SHISA9: variants seen among roughly 807,000 people sequenced by gnomAD.
SHISA9 encodes the protein protein shisa-9.
Under a neutral mutation model 38.0 loss-of-function variants are expected in SHISA9, and 13 were observed. The ratio of observed to expected loss-of-function variants is 0.34; its 90% CI spans 0.22 to 0.54. The LOEUF is 0.54. SHISA9 is among the 20% of genes least tolerant of loss of function. The probability of loss-of-function intolerance (pLI) is 0.91; values close to 1 mark genes in which losing one functional copy is unlikely to be tolerated. For synonymous variants in SHISA9, 275 were observed against 242.0 expected, an observed-to-expected ratio of 1.14 and a Z score of -1.27; for missense variants, 538 against 575.8, an observed-to-expected ratio of 0.93 and a Z score of 0.67.
intron 2 of SHISA9, among the ~76,000 whole-genome samples, chr16:12,961,537 A>G (rs555831719): frequency 6.6e-6 from 1 of 152,190 alleles, no homozygotes; most frequent in Non-Finnish European, 1.5e-5. Context: ...CAGAAAAAGG[A>G]TGTGTCTGTA....
chr16:13,131,495 G>GAAGAATA (rs2050306445), intron 2 of SHISA9, among the ~76,000 whole-genome samples: 1 of 152,104 alleles, frequency 6.6e-6, no homozygotes, highest in African/African-American at 2.4e-5. Flanking sequence ...AGAGCATCAG[G>GAAGAATA]AAGAATAGCT....
At chr16:13,447,615 A>G in the SHISA9 span, among the ~76,000 whole-genome samples, 4 of 152,280 alleles carry the variant, frequency 2.6e-5, no homozygotes, top group Admixed American at 1.3e-4. Context: ...TCTAATCTCC[A>G]TGGAAGTTGG....
intron 1 of SHISA9, 141 bp downstream of exon 1, chr16:12,902,768 G>A: frequency 1.1e-6 from 1 of 900,032 alleles, no homozygotes; most frequent in Non-Finnish European, 1.6e-6. Context: ...TCACCGGGAA[G>A]CCAACTTCGG....
the SHISA9 span, among the ~76,000 whole-genome samples, chr16:13,372,406 T>C: frequency 3.9e-5 from 6 of 152,206 alleles, no homozygotes; most frequent in Non-Finnish European, 7.3e-5. Context: ...GTCCAGGTGA[T>C]ATAGCTTCCT....
chr16:13,431,702 TAGTG>T, the SHISA9 span, among the ~76,000 whole-genome samples: 1 of 152,226 alleles, frequency 6.6e-6, no homozygotes, highest in African/African-American at 2.4e-5. Context: ...TGCCTTCTCA[TAGTG>T]AGTGCTTAGA....
the SHISA9 span, among the ~76,000 whole-genome samples, chr16:13,415,868 C>CA: frequency 2.0e-5 from 3 of 147,624 alleles, no homozygotes; most frequent in Non-Finnish European, 3.0e-5. Flanking sequence ...TTGTATGAAA[C>CA]GAAAAAAAGA....
At chr16:13,491,788 C>T in the SHISA9 span, among the ~76,000 whole-genome samples, 1 of 133,446 alleles carries the variant, frequency 7.5e-6, no homozygotes, top group Non-Finnish European at 1.6e-5. Context: ...CTGCACCTGG[C>T]CTGGGATTTT....
intron 2 of SHISA9, among the ~76,000 whole-genome samples, chr16:13,112,381 G>T (rs908383236): frequency 2.6e-4 from 39 of 151,782 alleles, no homozygotes; most frequent in African/African-American, 9.0e-4. Context: ...AAAGAGGGAG[G>T]CAGGGAGGAA....
Position 12,902,273 on chromosome 16 carries a change from C to T in SHISA9, c.209C>T (p.Thr70Met), listed in dbSNP as rs1196335452. Residue 70 changes from threonine to methionine, a missense_variant, in exon 1 of 5, where the codon ACG (threonine) becomes ATG (methionine). Thr to Met is a moderately conservative substitution (Grantham distance 81). This residue lies in a region of SHISA9 where 17 missense variants were observed against 57.2 expected (regional missense o/e 0.30). Coordinates refer to ENST00000558583, the MANE Select transcript of SHISA9 (RefSeq NM_001145204.3). ...ASDAPPTRAP[T>M]PDFCRGYFDV... ...GACGCGCCCCCGACCCGGGCGCCCA[C>T]GCCGGACTTCTGCCGGGGCTACTTC... 1.3e-6 allele frequency: 2 copies of T among 1,548,744 alleles called. No homozygotes were observed. Among genetic ancestry groups the T allele is most frequent in the Non-Finnish European group, 1.7e-6 (2 of 1,146,892 alleles).
At chr16:13,290,239 A>C in the SHISA9 span, among the ~76,000 whole-genome samples, 1 of 152,164 alleles carries the variant, frequency 6.6e-6, no homozygotes, top group Non-Finnish European at 1.5e-5. Flanking sequence ...GAAAGGGCAA[A>C]CATTTTCATT....
At chr16:13,448,928 A>C in the SHISA9 span, among the ~76,000 whole-genome samples, 3 of 152,186 alleles carry the variant, frequency 2.0e-5, no homozygotes, top group Non-Finnish European at 4.4e-5. Flanking sequence ...CATTTGAAGA[A>C]TATGTAATTT....
intron 2 of SHISA9, among the ~76,000 whole-genome samples, chr16:13,195,622 A>G (rs2142045239): frequency 6.6e-6 from 1 of 152,236 alleles, no homozygotes; most frequent in East Asian, 1.9e-4. Flanking sequence ...GAATAATTTT[A>G]TAGAGGAGAA....
At chr16:12,904,552 C>T (rs1403358361) in intron 1 of SHISA9, among the ~76,000 whole-genome samples, 2 of 152,104 alleles carry the variant, frequency 1.3e-5, no homozygotes, top group East Asian at 1.9e-4. Context: ...CACAGCTGAG[C>T]GGGTTGCAGC....
the SHISA9 span, among the ~76,000 whole-genome samples, chr16:13,387,373 A>G: frequency 6.6e-6 from 1 of 152,188 alleles, no homozygotes; most frequent in Non-Finnish European, 1.5e-5. Context: ...AGAGACAGAC[A>G]GGGAGAACAT....
chr16:13,297,975 C>T, the SHISA9 span, among the ~76,000 whole-genome samples: 1 of 152,100 alleles, frequency 6.6e-6, no homozygotes, highest in African/African-American at 2.4e-5. Flanking sequence ...AGGCTGGTCT[C>T]GAACTCCTGA....
the SHISA9 span, among the ~76,000 whole-genome samples, chr16:13,550,554 T>A: frequency 6.6e-6 from 1 of 152,170 alleles, no homozygotes; most frequent in Non-Finnish European, 1.5e-5. Context: ...ATGTGCAGTT[T>A]GTTGGAATGT....
At chr16:12,935,371 A>C (rs2071515595) in intron 2 of SHISA9, among the ~76,000 whole-genome samples, 1 of 152,084 alleles carries the variant, frequency 6.6e-6, no homozygotes, top group African/African-American at 2.4e-5. Context: ...GATGCTGCTG[A>C]TGATATTTCC....
At chr16:13,046,375 T>C (rs1380504958) in intron 2 of SHISA9, among the ~76,000 whole-genome samples, 1 of 152,226 alleles carries the variant, frequency 6.6e-6, no homozygotes, top group Admixed American at 6.5e-5. Context: ...GCTGAATTTT[T>C]AGATGGCTTG....
In SHISA9 at chr16:13,046,247, T is replaced by C. The variant is rs760458464; in HGVS notation, c.691+129432T>C. Reference sequence around the variant, plus strand: ...TGTATTTGAGCCAGAAGGGACCTTATTGAGGGAGGCTGTATTTTCTGAACC... The same window carrying C: ...TGTATTTGAGCCAGAAGGGACCTTACTGAGGGAGGCTGTATTTTCTGAACC... On this transcript the variant is annotated intron_variant, in intron 2 of 4. Coordinates refer to ENST00000558583, the MANE Select transcript of SHISA9 (RefSeq NM_001145204.3). Among the ~76,000 whole-genome samples, 6 of 152,294 alleles carry C rather than the reference T, an allele frequency of 3.9e-5. 1 individual carries two copies. Among genetic ancestry groups the C allele is most frequent in the Middle Eastern group, 6.8e-3 (2 of 294 alleles).
Sources: gnomAD v4.1 joint callset for allele counts (sites outside exome capture counted in the v4.1 genomes callset) on GRCh38, gnomAD v4.1.1 for gene constraint, gnomAD v4.1.1 regional missense constraint, MANE v1.5 for transcripts, NCBI Gene and HGNC (gene_info 2026-07-23, HGNC 2026-07-21) for gene names.